The following SP140 variants were observed in gnomAD, a reference collection of about 807,000 sequenced individuals.
SP140 encodes the protein nuclear body protein SP140.
Under a neutral mutation model 125.0 loss-of-function variants are expected in SP140, and 81 were observed. That is an observed-to-expected ratio of 0.65 (90% confidence interval 0.54 to 0.78). The LOEUF is 0.78. Ranked by LOEUF, SP140 falls within the 30% of genes least tolerant of loss-of-function variation. The pLI is 0.00. For synonymous variants in SP140, 312 were observed against 354.0 expected, an observed-to-expected ratio of 0.88 and a Z score of 1.33; for missense variants, 858 against 1,037.0, an observed-to-expected ratio of 0.83 and a Z score of 2.37.
At chr2:230,310,447 C>T in intron 23 of SP140, 1 of 612,088 alleles carries the variant, frequency 1.6e-6, no homozygotes, top group Non-Finnish European at 2.7e-6. Flanking sequence ...GTTTCTGAAA[C>T]TCAGGCCTGA....
the SP140 span, among the ~76,000 whole-genome samples, chr2:230,194,004 T>C: frequency 6.6e-6 from 1 of 151,878 alleles, no homozygotes; most frequent in African/African-American, 2.4e-5. Flanking sequence ...TGACAGAGAG[T>C]ATGTTTCCTC....
intron 1 of SP140, chr2:230,208,034 C>A: frequency 5.1e-6 from 8 of 1,562,902 alleles, no homozygotes; most frequent in Non-Finnish European, 7.0e-6. Context: ...TTGGAGTTGA[C>A]CAGATACATC....
At chr2:230,246,042 C>T (rs2049398211) in intron 7 of SP140, 102 bp downstream of exon 7, 2 of 690,120 alleles carry the variant, frequency 2.9e-6, no homozygotes, top group African/African-American at 1.8e-5. Flanking sequence ...TGTATTCATC[C>T]ATATATCCAT....
At chr2:230,199,148 A>ATTT (rs113583785), upstream of SP140, among the ~76,000 whole-genome samples, 2,336 of 138,954 alleles carry the variant, frequency 0.017, 93 homozygotes, top group African/African-American at 0.062. Flanking sequence ...TATTATTATT[A>ATTT]TTTTTTTTTT....
At chr2:230,311,656 C>T in intron 26 of SP140, 61 bp downstream of exon 26, 1 of 1,593,924 alleles carries the variant, frequency 6.3e-7, no homozygotes, top group Non-Finnish European at 8.5e-7. Context: ...TTTTCTGGTG[C>T]CAAGAAAAAT....
At chr2:230,234,019 A>C (rs182657254) in intron 1 of SP140, among the ~76,000 whole-genome samples, 2 of 152,364 alleles carry the variant, frequency 1.3e-5, no homozygotes, top group Admixed American at 6.5e-5. Flanking sequence ...TATACATTTG[A>C]GACATCAGTA....
intron 3 of SP140, chr2:230,215,145 T>C: frequency 6.4e-7 from 1 of 1,567,356 alleles, no homozygotes; most frequent in Non-Finnish European, 8.8e-7. Context: ...AAGGTTTTTA[T>C]AAATGACTAT....
At chr2:230,206,931 A>C (rs185775052) in intron 1 of SP140, among the ~76,000 whole-genome samples, 1 of 152,216 alleles carries the variant, frequency 6.6e-6, no homozygotes, top group Admixed American at 6.5e-5. Flanking sequence ...TTCCTAGGTT[A>C]AATCCTAAAG....
the SP140 span, among the ~76,000 whole-genome samples, chr2:230,195,115 G>T: frequency 1.3e-5 from 2 of 151,242 alleles, no homozygotes; most frequent in African/African-American, 4.9e-5. Flanking sequence ...TTCTAAAAAA[G>T]AAAAAACCCA....
rs143199875 is a variant in SP140 at position 230,243,725 on chromosome 2, C to T, written c.491-6C>T. ...GACATCTAAGGGATTTCATTCCTTT[C>T]GGCAGAGAACAGCAATGCCTGTCAT... On this transcript the variant is annotated splice_polypyrimidine_tract_variant and splice_region_variant and intron_variant, in intron 4 of 26. Coordinates refer to ENST00000392045, the MANE Select transcript of SP140 (RefSeq NM_007237.5). 1.7e-3 allele frequency: 2,762 copies of T among 1,607,566 alleles called. 32 individuals are homozygous for T. The African/African-American group carries it at 0.031, about 18-fold the overall frequency.
chr2:230,208,452 T>C (rs1190293051), intron 1 of SP140, among the ~76,000 whole-genome samples: 3 of 152,158 alleles, frequency 2.0e-5, no homozygotes, highest in Non-Finnish European at 4.4e-5. Context: ...ATGGATACTA[T>C]AAGATGAGGC....
intron 12 of SP140, among the ~76,000 whole-genome samples, chr2:230,268,321 C>T (rs890385778): frequency 2.0e-5 from 3 of 151,920 alleles, no homozygotes; most frequent in Non-Finnish European, 4.4e-5. Flanking sequence ...GTCAGGAGTT[C>T]GAGACCAGCC....
intron 12 of SP140, among the ~76,000 whole-genome samples, chr2:230,255,941 G>T (rs544818617): frequency 6.6e-6 from 1 of 152,134 alleles, no homozygotes; most frequent in Admixed American, 6.5e-5. Context: ...CTATTTTATA[G>T]GTGAAGAAAT....
intron 12 of SP140, among the ~76,000 whole-genome samples, chr2:230,263,665 G>A (rs2052625247): frequency 6.6e-6 from 1 of 152,150 alleles, no homozygotes; most frequent in Non-Finnish European, 1.5e-5. Context: ...TGGTGGCTTG[G>A]TAATGGCGAA....
At chr2:230,248,821 G>A in intron 8 of SP140, 64 bp from the exon 9 acceptor site, 1 of 1,346,588 alleles carries the variant, frequency 7.4e-7, no homozygotes, top group Non-Finnish European at 1.1e-6. Flanking sequence ...TGGATGGCAT[G>A]AACACACTGA....
chr2:230,314,505 G>A (rs1236701613), downstream of SP140, among the ~76,000 whole-genome samples: 9 of 152,240 alleles, frequency 5.9e-5, no homozygotes, highest in African/African-American at 1.7e-4. Flanking sequence ...CGCTACCACA[G>A]AGTTTAACTA....
chr2:230,301,159 C>T (rs2058251270), intron 22 of SP140, among the ~76,000 whole-genome samples: 2 of 152,124 alleles, frequency 1.3e-5, no homozygotes, highest in Admixed American at 1.3e-4. Context: ...TGATAAATGA[C>T]CAAACCTAAG....
rs763746125 is a variant in SP140 at position 230,245,864 on chromosome 2, G to A, written c.666G>A (p.Val222=). ...DAPSLLPGGG[V]SCKLAIQIDE... ...TCATGTTCCTCTTTCACTCTGCAGT[G>A]TCCTGTAAACTTGCTATACAAATAG... The change falls in exon 7 of 27, where the codon GTG becomes GTA. Residue 222 remains valine, a splice_region_variant and synonymous_variant. Transcript: ENST00000392045. 6.3e-7 allele frequency: 1 copy of A among 1,598,018 alleles called. No homozygotes were observed. Among genetic ancestry groups the A allele is most frequent in the East Asian group, 2.2e-5 (1 of 44,824 alleles).
rs1411275440 is a variant in SP140, at chr2:230,248,922, A to G, written c.930A>G (p.Glu310=). 1 of 1,612,718 alleles carries G rather than the reference A, an allele frequency of 6.2e-7. No individual in the cohort carries two copies. Among genetic ancestry groups the G allele is most frequent in the African/African-American group, 1.3e-5 (1 of 74,876 alleles). Residue 310 remains glutamate, a synonymous_variant, in exon 9 of 27, where the codon GAA becomes GAG. Transcript: ENST00000392045. ...FDLKTPQVTN[E]GEPEKGLCLL... ...TAAAAACTCCCCAAGTCACTAATGA[A>G]GGAGAACCAGAGAAGGGGCTCTGTC...
Sources: gnomAD v4.1 joint callset for allele counts (sites outside exome capture counted in the v4.1 genomes callset) on GRCh38, gnomAD v4.1.1 for gene constraint, MANE v1.5 for transcripts, NCBI Gene and HGNC (gene_info 2026-07-23, HGNC 2026-07-21) for gene names.